The following WASF3 variants were observed in gnomAD, a reference collection of about 807,000 sequenced individuals.
WASF3 encodes actin-binding protein WASF3.
WASF3 carries 11 observed loss-of-function variants against 46.6 expected under a neutral mutation model. The ratio of observed to expected loss-of-function variants is 0.24; its 90% CI spans 0.15 to 0.39. The LOEUF (loss-of-function observed/expected upper bound fraction) is 0.39, where lower values mean the gene tolerates loss of function less well. WASF3 is among the 10% of genes least tolerant of loss of function. The pLI, the probability that WASF3 is intolerant of heterozygous loss-of-function variation, is 1.00. For missense variants in WASF3, 576 were observed against 669.8 expected (o/e 0.86, Z 1.55); for synonymous variants, 242 against 259.7 (o/e 0.93, Z 0.65).
Position 26,567,536 on chromosome 13 carries a change from TA to T in WASF3, c.-109+9718del, listed in dbSNP as rs1028099940. On this transcript the variant is annotated intron_variant, in intron 1 of 9. Transcript: ENST00000335327. Reference sequence around the variant, plus strand: ...TTAGTGCTGCAAGGCAGAGCTGATATAGGGGTAAGTGGTGGCAACAGAGGCT... The same window carrying T: ...TTAGTGCTGCAAGGCAGAGCTGATATGGGGTAAGTGGTGGCAACAGAGGCT... Among the ~76,000 whole-genome samples the T allele has an allele frequency of 3.9e-5, 6 of 152,164 alleles. No homozygotes were observed. In the South Asian group the frequency reaches 6.2e-4, roughly 16 times the overall value.
At chr13:26,677,362 T>G (rs914081605) in intron 7 of WASF3, among the ~76,000 whole-genome samples, 1 of 152,370 alleles carries the variant, frequency 6.6e-6, no homozygotes, top group South Asian at 2.1e-4. Flanking sequence ...AGGAAATGAC[T>G]AGTCAATTTT....
intron 7 of WASF3, 100 bp from the exon 8 acceptor site, chr13:26,680,954 T>C: frequency 7.0e-7 from 1 of 1,418,760 alleles, no homozygotes; most frequent in Non-Finnish European, 9.6e-7. Flanking sequence ...CTGATTTTTG[T>C]GTATTAGCAA....
intron 7 of WASF3, among the ~76,000 whole-genome samples, chr13:26,678,952 CCCT>C (rs1883145716): frequency 6.7e-6 from 1 of 150,096 alleles, no homozygotes. Flanking sequence ...GCCCTCCCGG[CCCT>C]CCTCCTCCCA....
chr13:26,682,063 C>T lies in WASF3; in HGVS notation c.984-544C>T, dbSNP rs1883248581. 6.6e-6 allele frequency among the ~76,000 whole-genome samples: 1 copy of T among 152,188 alleles called. No homozygotes were observed. The highest frequency in any genetic ancestry group is 2.1e-4 in the South Asian group (1 of 4,828). ...AGAGTGGCTTGAGGCTGTGTCAGGC[C>T]AAGAGAGGGCCCATGGTCCAGTTAG... On this transcript the variant is annotated intron_variant, in intron 8 of 9. Transcript: ENST00000335327. This position sits in a 1 kb window ranked among gnomAD's most constrained non-coding sequence, Gnocchi z 4.4.
At chr13:26,578,218 C>CA (rs1223069615) in intron 1 of WASF3, among the ~76,000 whole-genome samples, 1 of 152,156 alleles carries the variant, frequency 6.6e-6, no homozygotes, top group East Asian at 1.9e-4. Flanking sequence ...TTCCTGATTT[C>CA]AGGGGGAAAG....
upstream of WASF3, among the ~76,000 whole-genome samples, chr13:26,557,196 A>G (rs191063903): frequency 6.6e-6 from 1 of 152,330 alleles, no homozygotes; most frequent in East Asian, 1.9e-4. Flanking sequence ...AATGCTAACG[A>G]ATTTGAGCAG....
intron 1 of WASF3, among the ~76,000 whole-genome samples, chr13:26,593,974 AATCTT>A (rs1880380591): frequency 6.6e-6 from 1 of 152,198 alleles, no homozygotes; most frequent in Non-Finnish European, 1.5e-5. Flanking sequence ...TTCGTGTATA[AATCTT>A]TGTCCACATT....
upstream of WASF3, among the ~76,000 whole-genome samples, chr13:26,555,535 C>T (rs1378925685): frequency 6.6e-6 from 1 of 152,070 alleles, no homozygotes; most frequent in Middle Eastern, 3.2e-3. Context: ...CTGGGTAAAG[C>T]TTCCCAGGAA....
At chr13:26,540,997 G>T in the WASF3 span, among the ~76,000 whole-genome samples, 2 of 152,164 alleles carry the variant, frequency 1.3e-5, no homozygotes, top group Non-Finnish European at 2.9e-5. Flanking sequence ...TACGTTAAGA[G>T]TGCTTGTCTC....
chr13:26,625,798 C>T (rs552652486), intron 2 of WASF3, among the ~76,000 whole-genome samples: 444 of 152,272 alleles, frequency 2.9e-3, no homozygotes, highest in South Asian at 6.8e-3. Context: ...TTACAGTGTT[C>T]TCACACTATG....
chr13:26,602,894 C>T (rs1260900641), intron 1 of WASF3, among the ~76,000 whole-genome samples: 1 of 152,020 alleles, frequency 6.6e-6, no homozygotes, highest in Non-Finnish European at 1.5e-5. Flanking sequence ...TTTTCTTTGT[C>T]CAAATGTAAG....
intron 1 of WASF3, among the ~76,000 whole-genome samples, chr13:26,558,522 G>A (rs892347038): frequency 4.8e-5 from 7 of 146,248 alleles, no homozygotes; most frequent in Admixed American, 4.1e-4. Flanking sequence ...GTCTTTACCC[G>A]CGCGCCTGGG....
the WASF3 span, among the ~76,000 whole-genome samples, chr13:26,546,342 C>T: frequency 1.3e-5 from 2 of 151,816 alleles, no homozygotes; most frequent in Admixed American, 1.3e-4. Context: ...GCTCTTCTGT[C>T]TTTTCAAAGT....
At chr13:26,675,767 C>T (rs1472820315) in intron 6 of WASF3, among the ~76,000 whole-genome samples, 2 of 151,762 alleles carry the variant, frequency 1.3e-5, no homozygotes, top group African/African-American at 4.8e-5. Flanking sequence ...ATCATTTAGC[C>T]AGCATGTATT....
In WASF3 at chr13:26,671,994, A is replaced by C. The variant is rs1882937416; in HGVS notation, c.540+5A>C. The C allele has an allele frequency of 6.3e-7, 1 of 1,576,272 alleles. No individual in the cohort carries two copies. Among genetic ancestry groups the C allele is most frequent in the Non-Finnish European group, 8.7e-7 (1 of 1,151,068 alleles). On this transcript the variant is annotated splice_donor_5th_base_variant and intron_variant, in intron 6 of 9. Transcript: ENST00000335327. ...AAAGAGAAAAGGCGTCAAAAGGTAA[A>C]TAATTTCAGTATGGGAAATGTGCAT...
At position 26,686,906 on chromosome 13, in the gene WASF3, T is replaced by G. The variant is rs1470939402; in HGVS notation, c.*1061T>G. The stretch of plus-strand genomic sequence containing the variant: ...GTAGATATTGACAGCTATTCACCTT[T>G]CACGGTGCTGGGGCCAGATTAGGGA... On this transcript the variant is annotated 3_prime_UTR_variant, in exon 10 of 10. Coordinates refer to ENST00000335327, the MANE Select transcript of WASF3 (RefSeq NM_006646.6). 6.6e-6 allele frequency: 1 copy of G among 152,276 alleles called. No individual in the cohort carries two copies. 9.4% of individuals were successfully genotyped at this position (152,276 alleles called of 1,614,324 possible).
At chr13:26,642,487 A>C in intron 3 of WASF3, 84 bp downstream of exon 3, 1 of 1,438,226 alleles carries the variant, frequency 7.0e-7, no homozygotes, top group African/African-American at 1.4e-5. Flanking sequence ...TGTCCAAAGA[A>C]GAGATTGCAG....
At chr13:26,622,770 G>A (rs1000872381) in intron 2 of WASF3, 5 of 145,354 alleles carry the variant, frequency 3.4e-5, no homozygotes, top group Non-Finnish European at 3.1e-5. Flanking sequence ...GCGAGACTCC[G>A]TCTCAAAAAA....
chr13:26,636,925 G>T lies in WASF3; in HGVS notation c.-10-5336G>T, dbSNP rs1311469668. On this transcript the variant is annotated intron_variant, in intron 2 of 9. Transcript: ENST00000335327. ...TCTTTTCCTTAGGAGGAGATACCCA[G>T]CATGCCTCTGAGCACTGGGTCCCTC... is the stretch of plus-strand genomic sequence containing the variant. Among the ~76,000 whole-genome samples, 3 of 152,194 alleles carry T rather than the reference G, an allele frequency of 2.0e-5. No individual in the cohort carries two copies. The East Asian group carries it at 5.8e-4, about 29-fold the overall frequency.
Sources: gnomAD v4.1 joint callset for allele counts (sites outside exome capture counted in the v4.1 genomes callset) on GRCh38, gnomAD v4.1.1 for gene constraint, Gnocchi (gnomAD v3.1) non-coding constraint, MANE v1.5 for transcripts, NCBI Gene and HGNC (gene_info 2026-07-23, HGNC 2026-07-21) for gene names.